ANGPT2: variants seen among roughly 807,000 people sequenced by gnomAD.
ANGPT2 encodes angiopoietin 2.
In ANGPT2, 28 loss-of-function variants were observed where a neutral mutation model predicts 62.9. The ratio of observed to expected loss-of-function variants is 0.44; its 90% CI spans 0.33 to 0.61. The LOEUF (loss-of-function observed/expected upper bound fraction) is 0.61. ANGPT2 is among the 20% of genes least tolerant of loss of function. ANGPT2 has a pLI of 0.03. For synonymous variants in ANGPT2, 284 were observed against 207.8 expected (o/e 1.37, Z -3.15); for missense variants, 727 against 594.9 (o/e 1.22, Z -2.31).
intron 3 of ANGPT2, 92 bp downstream of exon 3, chr8:6,527,463 C>T (rs1158681497): frequency 1.3e-6 from 2 of 1,481,544 alleles, no homozygotes; most frequent in African/African-American, 2.8e-5. Context: ...CATGAAGAAA[C>T]TCACCATTCT....
chr8:6,530,491 G>T (rs1205308506), intron 2 of ANGPT2, among the ~76,000 whole-genome samples: 2 of 132,548 alleles, frequency 1.5e-5, no homozygotes, highest in Non-Finnish European at 3.1e-5. Flanking sequence ...CCTGGGCAAT[G>T]CAGTGAGACT....
intron 1 of ANGPT2, among the ~76,000 whole-genome samples, chr8:6,534,362 T>C (rs1820123753): frequency 6.6e-6 from 1 of 152,240 alleles, no homozygotes; most frequent in Admixed American, 6.5e-5. Context: ...TATGCAGATC[T>C]ACCCTGTTTT....
rs529575676 is a variant in ANGPT2 at position 6,506,289 on chromosome 8, C to T, written c.1327+2643G>A. On this transcript the variant is annotated intron_variant, in intron 8 of 8. Coordinates refer to ENST00000629816, the MANE Select transcript of ANGPT2 (RefSeq NM_001118887.2). ...ATGCAAAATGGAGCTGCTCATTAGG[C>T]TGGTTCATTCATGGTCCAGACCACT... Among the ~76,000 whole-genome samples the T allele has an allele frequency of 2.0e-5, 3 of 152,112 alleles. No individual in the cohort carries two copies. The South Asian group carries it at 6.3e-4, about 32-fold the overall frequency.
rs1032329642 is a variant in ANGPT2, at chr8:6,503,014, G to T, written c.*87C>A. On this transcript the variant is annotated 3_prime_UTR_variant, in exon 9 of 9. Coordinates refer to ENST00000629816, the MANE Select transcript of ANGPT2 (RefSeq NM_001118887.2). The stretch of plus-strand genomic sequence containing the variant: ...GCACACGCCCTCTGTGGTGGAAGAG[G>T]ACACAGTGCGCAGCCGTGACTTTCA... 7.4e-5 allele frequency: 111 copies of T among 1,496,660 alleles called. No individual in the cohort carries two copies. Among genetic ancestry groups the T allele is most frequent in the Non-Finnish European group, 9.6e-5 (105 of 1,090,508 alleles). The allele number at this position is 1,496,660 out of a possible 1,614,324, so 92.7% of individuals were successfully genotyped here.
intron 3 of ANGPT2, among the ~76,000 whole-genome samples, chr8:6,522,016 T>A (rs540969072): frequency 1.8e-4 from 28 of 152,322 alleles, no homozygotes; most frequent in African/African-American, 6.0e-4. Context: ...ATTAGGATAC[T>A]ATCACCTAGG....
In ANGPT2 at chr8:6,532,359, C is replaced by T. The variant is rs1038061444; in HGVS notation, c.417G>A (p.Thr139=). 13 of 1,613,932 alleles carry T rather than the reference C, an allele frequency of 8.1e-6. No individual in the cohort carries two copies. In the African/African-American group the frequency reaches 1.2e-4, roughly 15 times the overall value. Residue 139 remains threonine (T), a synonymous_variant, in exon 2 of 9, where the codon ACG becomes ACA. Coordinates refer to ENST00000629816, the MANE Select transcript of ANGPT2 (RefSeq NM_001118887.2). ...GGGCTTCCACATCAGTTAACTTCCG[C>T]GTTTGCTCCGCTGTTTGGTTCAACA... ...TNLLNQTAEQ[T]RKLTDVEAQV... is the part of the protein sequence containing the mutation.
chr8:6,524,748 G>C (rs1331878271), intron 3 of ANGPT2, among the ~76,000 whole-genome samples: 1 of 152,208 alleles, frequency 6.6e-6, no homozygotes, highest in African/African-American at 2.4e-5. Flanking sequence ...CTCCCTTGAG[G>C]AAAAACTACC....
At chr8:6,547,040 C>G (rs1822718568) in intron 1 of ANGPT2, among the ~76,000 whole-genome samples, 1 of 152,114 alleles carries the variant, frequency 6.6e-6, no homozygotes, top group Non-Finnish European at 1.5e-5. Context: ...GAGCAACATG[C>G]ACGTGTTCCG....
chr8:6,519,282 C>A (rs1255825334), intron 5 of ANGPT2, among the ~76,000 whole-genome samples: 1 of 152,166 alleles, frequency 6.6e-6, no homozygotes, highest in African/African-American at 2.4e-5. Flanking sequence ...TAAGACACCA[C>A]CGGTCTGTGG....
At position 6,514,798 on chromosome 8, in the gene ANGPT2, G is replaced by A. The variant is rs1438845524; in HGVS notation, c.928-20C>T. 6.2e-7 allele frequency: 1 copy of A among 1,607,404 alleles called. No homozygotes were observed. Among genetic ancestry groups the A allele is most frequent in the Non-Finnish European group, 8.5e-7 (1 of 1,174,202 alleles). On this transcript the variant is annotated intron_variant, in intron 5 of 8. Transcript: ENST00000629816. ...GTAGGCCTGCAAACAGGAATGCAGG[G>A]TATAAGTGACAGAGCCCCCCCACTC... is the stretch of plus-strand genomic sequence containing the variant.
At chr8:6,530,805 C>T (rs2129571467) in intron 2 of ANGPT2, among the ~76,000 whole-genome samples, 1 of 152,324 alleles carries the variant, frequency 6.6e-6, no homozygotes, top group East Asian at 1.9e-4. Context: ...TCTCTGACCT[C>T]ATCCAACCAT....
At chr8:6,529,397 C>G (rs189578847) in intron 2 of ANGPT2, among the ~76,000 whole-genome samples, 176 of 151,920 alleles carry the variant, frequency 1.2e-3, no homozygotes, top group African/African-American at 4.1e-3. Flanking sequence ...TACCTTCAAA[C>G]AGAGTGGGTA....
At chr8:6,507,459 C>A (rs1447112526) in intron 8 of ANGPT2, 3 of 152,018 alleles carry the variant, frequency 2.0e-5, no homozygotes, top group South Asian at 4.1e-4. Context: ...TTTTCAAGAA[C>A]TAACTTGACA....
At chr8:6,510,684 C>A (rs1265608717) in intron 7 of ANGPT2, among the ~76,000 whole-genome samples, 4 of 152,148 alleles carry the variant, frequency 2.6e-5, no homozygotes, top group Non-Finnish European at 5.9e-5. Flanking sequence ...GCACCAGATG[C>A]AGCAAATGCC....
chr8:6,543,740 C>G (rs911755564), intron 1 of ANGPT2, among the ~76,000 whole-genome samples: 1 of 152,090 alleles, frequency 6.6e-6, no homozygotes, highest in Non-Finnish European at 1.5e-5. Flanking sequence ...GATGATCTGT[C>G]CCTTCGACCT....
intron 2 of ANGPT2, 30 bp downstream of exon 2, chr8:6,532,302 A>G: frequency 6.2e-7 from 1 of 1,613,688 alleles, no homozygotes; most frequent in Non-Finnish European, 8.5e-7. Flanking sequence ...AGCTGCAGGG[A>G]CACCGTGTGC....
At chr8:6,525,387 A>G (rs1393884896) in intron 3 of ANGPT2, among the ~76,000 whole-genome samples, 1 of 151,990 alleles carries the variant, frequency 6.6e-6, no homozygotes, top group African/African-American at 2.4e-5. Context: ...GTGCCACCAC[A>G]TCTGGCTAAT....
intron 3 of ANGPT2, among the ~76,000 whole-genome samples, chr8:6,523,881 C>T (rs950262808): frequency 2.9e-5 from 4 of 139,740 alleles, no homozygotes; most frequent in Non-Finnish European, 6.0e-5. Context: ...GCCACCGTGC[C>T]TGGCTGGCAT....
At chr8:6,555,178 T>C (rs975154779) in intron 1 of ANGPT2, among the ~76,000 whole-genome samples, 3 of 152,178 alleles carry the variant, frequency 2.0e-5, no homozygotes, top group Non-Finnish European at 4.4e-5. Flanking sequence ...AGCATTAACA[T>C]AATCCAAGTG....
Sources: gnomAD v4.1 joint callset for allele counts (sites outside exome capture counted in the v4.1 genomes callset) on GRCh38, gnomAD v4.1.1 for gene constraint, MANE v1.5 for transcripts, NCBI Gene and HGNC (gene_info 2026-07-23, HGNC 2026-07-21) for gene names.